Variants in ST7 observed in about 807,000 individuals in gnomAD.
The protein encoded by ST7 is suppression of tumorigenicity 7.
A neutral mutation model predicts 78.7 loss-of-function variants in ST7; 28 were observed. The observed-to-expected ratio is 0.36, with a 90% CI of 0.26 to 0.49. The LOEUF (loss-of-function observed/expected upper bound fraction) is 0.49, where lower values mean the gene tolerates loss of function less well. Among genes scored for constraint, ST7 ranks in the 20% least tolerant of loss-of-function variants. The pLI, the probability that ST7 is intolerant of heterozygous loss-of-function variation, is 0.99. For missense variants in ST7, 418 were observed against 696.0 expected, an observed-to-expected ratio of 0.60 and a Z score of 4.49; for synonymous variants, 247 against 249.6, an observed-to-expected ratio of 0.99 and a Z score of 0.10.
intron 1 of ST7, among the ~76,000 whole-genome samples, chr7:117,047,495 A>G (rs1047196319): frequency 2.0e-5 from 3 of 152,152 alleles, no homozygotes; most frequent in African/African-American, 4.8e-5. Flanking sequence ...TTATATTTAG[A>G]GAGTCCTCTA....
chr7:117,205,784 A>C lies in ST7; in HGVS notation c.1255-4003A>C, dbSNP rs141460597. Among the ~76,000 whole-genome samples the C allele has an allele frequency of 1.8e-3, 268 of 152,296 alleles. 1 individual carries two copies. The highest frequency in any genetic ancestry group is 3.2e-3 in the Non-Finnish European group (216 of 68,032). On this transcript the variant is annotated intron_variant, in intron 12 of 15. Coordinates refer to ENST00000323984, the MANE Select transcript of ST7 (RefSeq NM_001369598.1). ...ATAGATTTTGAAAAGTTGCTTCCAA[A>C]ATTTTTAGAAGCACTGCATTTCAAG...
At chr7:117,042,664 A>G (rs1797287977) in intron 1 of ST7, among the ~76,000 whole-genome samples, 1 of 152,022 alleles carries the variant, frequency 6.6e-6, no homozygotes, top group African/African-American at 2.4e-5. Flanking sequence ...AGACATTTTA[A>G]ATTTTCATGT....
At chr7:116,960,470 T>C (rs1792769292) in intron 1 of ST7, among the ~76,000 whole-genome samples, 1 of 152,230 alleles carries the variant, frequency 6.6e-6, no homozygotes, top group African/African-American at 2.4e-5. Flanking sequence ...ATTCTAGGCG[T>C]GAGCCACTGC....
chr7:117,102,324 A>G (rs1801622420), intron 2 of ST7, among the ~76,000 whole-genome samples: 1 of 152,208 alleles, frequency 6.6e-6, no homozygotes, highest in Admixed American at 6.5e-5. Flanking sequence ...CTTCTACTTA[A>G]CCTGTTGAGG....
chr7:116,970,087 T>TAAAAC (rs963417085), intron 1 of ST7, among the ~76,000 whole-genome samples: 14 of 151,704 alleles, frequency 9.2e-5, no homozygotes, highest in African/African-American at 1.5e-4. Context: ...AAAAACAAAA[T>TAAAAC]AAAACAAAAC....
chr7:117,136,221 A>T lies in ST7; in HGVS notation c.851A>T (p.Tyr284Phe). 6.2e-7 allele frequency: 1 copy of T among 1,613,704 alleles called. No homozygotes were observed. Among genetic ancestry groups the T allele is most frequent in the Non-Finnish European group, 8.5e-7 (1 of 1,179,706 alleles). ...CAGCTACAACATCATGGATCCCAGT[A>T]TGAAGCCCAACATAGTAAGGTTTCC... is the stretch of plus-strand genomic sequence containing the variant. Reference protein sequence around the residue: ...SQQLQHHGSQYEAQHRRDTNV... With the variant: ...SQQLQHHGSQFEAQHRRDTNV... Residue 284 changes from tyrosine to phenylalanine, a missense_variant, in exon 8 of 16, where the codon TAT becomes TTT. Around this residue, in one of 4 missense-constraint regions of ST7, gnomAD observed 288 missense variants for 537.1 expected, o/e 0.54. Coordinates refer to ENST00000323984, the MANE Select transcript of ST7 (RefSeq NM_001369598.1).
chr7:117,211,800 T>C (rs1168425645), intron 13 of ST7, among the ~76,000 whole-genome samples: 1 of 152,146 alleles, frequency 6.6e-6, no homozygotes, highest in South Asian at 2.1e-4. Flanking sequence ...ACTGGAAGGA[T>C]AATGAGATTA....
chr7:117,090,564 C>T (rs1375996245), intron 1 of ST7, among the ~76,000 whole-genome samples: 1 of 152,122 alleles, frequency 6.6e-6, no homozygotes, highest in African/African-American at 2.4e-5. Flanking sequence ...TATTTCTCTT[C>T]AATGTAACTA....
intron 1 of ST7, chr7:117,023,121 T>C (rs888994152): frequency 2.6e-5 from 4 of 152,238 alleles, no homozygotes; most frequent in African/African-American, 9.6e-5. Flanking sequence ...TTTCAAATAT[T>C]GTATTGATTA....
chr7:117,046,586 C>T (rs1326130286), intron 1 of ST7, among the ~76,000 whole-genome samples: 7 of 152,106 alleles, frequency 4.6e-5, no homozygotes, highest in Non-Finnish European at 1.0e-4. Context: ...GTTAGTCTAC[C>T]AGAAATGGGG....
intron 3 of ST7, among the ~76,000 whole-genome samples, chr7:117,122,222 A>G (rs1016663234): frequency 6.6e-6 from 1 of 152,200 alleles, no homozygotes; most frequent in African/African-American, 2.4e-5. Context: ...AAAACAGGAC[A>G]TATGGGAAAG....
chr7:117,197,088 G>A (rs1460748820), intron 12 of ST7, among the ~76,000 whole-genome samples: 1 of 152,166 alleles, frequency 6.6e-6, no homozygotes, highest in Non-Finnish European at 1.5e-5. Flanking sequence ...AGGCTGGAGT[G>A]CAATGACACA....
chr7:117,068,457 C>T (rs899401422), intron 1 of ST7, among the ~76,000 whole-genome samples: 1 of 152,210 alleles, frequency 6.6e-6, no homozygotes, highest in African/African-American at 2.4e-5. Context: ...TTTACCACCA[C>T]CTATCTGCAG....
intron 10 of ST7, among the ~76,000 whole-genome samples, chr7:117,171,375 T>C (rs1807978406): frequency 6.6e-6 from 1 of 152,156 alleles, no homozygotes; most frequent in African/African-American, 2.4e-5. Context: ...CCACAGCCTA[T>C]TGGTCACATT....
At chr7:117,063,275 T>C (rs944464295) in intron 1 of ST7, among the ~76,000 whole-genome samples, 3 of 152,362 alleles carry the variant, frequency 2.0e-5, no homozygotes, top group East Asian at 1.9e-4. Context: ...AATTATAAAA[T>C]ATAGTTCCAA....
intron 11 of ST7, among the ~76,000 whole-genome samples, chr7:117,189,740 G>A (rs1563153691): frequency 6.6e-6 from 1 of 152,116 alleles, no homozygotes; most frequent in African/African-American, 2.4e-5. Flanking sequence ...CCCTTCAGCG[G>A]TCCATAACTG....
chr7:117,085,737 C>T (rs574287728), intron 1 of ST7, among the ~76,000 whole-genome samples: 2 of 152,112 alleles, frequency 1.3e-5, no homozygotes, highest in East Asian at 1.9e-4. Context: ...GTTTTCCTCC[C>T]GATTTTTATG....
At chr7:116,989,535 G>A (rs979158859) in intron 1 of ST7, among the ~76,000 whole-genome samples, 3 of 150,968 alleles carry the variant, frequency 2.0e-5, no homozygotes, top group African/African-American at 7.3e-5. Context: ...TGTTTTGTTG[G>A]TTGTTTTTGT....
At chr7:117,098,688 C>G (rs143652940) in intron 1 of ST7, 11 of 975,568 alleles carry the variant, frequency 1.1e-5, no homozygotes, top group Middle Eastern at 5.1e-4. Context: ...CTGGGCTGAG[C>G]TCAGGACAGA....
Sources: gnomAD v4.1 joint callset for allele counts (sites outside exome capture counted in the v4.1 genomes callset) on GRCh38, gnomAD v4.1.1 for gene constraint, gnomAD v4.1.1 regional missense constraint, MANE v1.5 for transcripts, NCBI Gene and HGNC (gene_info 2026-07-23, HGNC 2026-07-21) for gene names.